Variants in ZNF462 observed in about 807,000 individuals in gnomAD.
ZNF462 encodes the protein zinc finger PBX1-interacting protein.
Under a neutral mutation model 201.9 loss-of-function variants are expected in ZNF462, and 10 were observed. The ratio of observed to expected loss-of-function variants is 0.05; its 90% CI spans 0.03 to 0.08. ZNF462 has a LOEUF of 0.08. Ranked by LOEUF, ZNF462 falls within the 10% of genes least tolerant of loss-of-function variation. ZNF462 has a pLI of 1.00. For missense variants in ZNF462, 2,523 were observed against 3,168.3 expected (o/e 0.80, Z 4.89); for synonymous variants, 1,227 against 1,193.3 (o/e 1.03, Z -0.58).
At chr9:106,946,283 C>T (rs962427134) in intron 7 of ZNF462, among the ~76,000 whole-genome samples, 3 of 152,154 alleles carry the variant, frequency 2.0e-5, no homozygotes, top group Non-Finnish European at 2.9e-5. Flanking sequence ...GAGAAGAAAT[C>T]TACTTTATTC....
At chr9:106,991,838 CTACACACACACACACACA>C (rs1828294119) in intron 10 of ZNF462, among the ~76,000 whole-genome samples, 1 of 128,138 alleles carries the variant, frequency 7.8e-6, no homozygotes, top group African/African-American at 3.0e-5. Flanking sequence ...ACAGCACTCT[CTACACACACACACACACA>C]CACACACACA....
At position 106,939,025 on chromosome 9, in the gene ZNF462, A is replaced by G. The variant is rs953651301; in HGVS notation, c.6345A>G (p.Pro2115=). ...VHGKALTLPR[P]RIVSLLSSHS... ...GAAAAGCCCTGACCCTCCCCAGGCC[A>G]CGGATCGTCAGTCTCCTCTCCTCAC... The change falls in exon 7 of 13, where the codon CCA becomes CCG. Residue 2115 remains proline (P), a synonymous_variant. Coordinates refer to ENST00000277225, the MANE Select transcript of ZNF462 (RefSeq NM_021224.6). The G allele has an allele frequency of 1.9e-6, 3 of 1,613,984 alleles. No homozygotes were observed. Among genetic ancestry groups the G allele is most frequent in the Admixed American group, 3.3e-5 (2 of 59,998 alleles).
intron 7 of ZNF462, among the ~76,000 whole-genome samples, chr9:106,953,707 TC>T (rs1455866049): frequency 6.6e-6 from 1 of 152,190 alleles, no homozygotes; most frequent in Non-Finnish European, 1.5e-5. Context: ...CACCAATACT[TC>T]CAGTGCTAAC....
At chr9:106,888,889 A>G (rs541180568) in intron 1 of ZNF462, among the ~76,000 whole-genome samples, 18 of 152,332 alleles carry the variant, frequency 1.2e-4, no homozygotes, top group Middle Eastern at 3.4e-3. Flanking sequence ...TGGAACCTCA[A>G]TCTAACCTTG....
chr9:106,906,266 C>A (rs1415267876), intron 1 of ZNF462, among the ~76,000 whole-genome samples: 2 of 152,220 alleles, frequency 1.3e-5, no homozygotes, highest in Non-Finnish European at 2.9e-5. Flanking sequence ...CCTGCAGGAG[C>A]AGTCTGCTCT....
chr9:106,897,218 A>G (rs1215026246), intron 1 of ZNF462, among the ~76,000 whole-genome samples: 1 of 152,178 alleles, frequency 6.6e-6, no homozygotes, highest in African/African-American at 2.4e-5. Context: ...TTCTATATTT[A>G]TATATTTGCA....
At chr9:106,863,808 G>T (rs910930314) in intron 1 of ZNF462, among the ~76,000 whole-genome samples, 1 of 151,294 alleles carries the variant, frequency 6.6e-6, no homozygotes, top group African/African-American at 2.4e-5. Context: ...GTGGGGACAG[G>T]AGTAGGGACA....
intron 7 of ZNF462, among the ~76,000 whole-genome samples, chr9:106,956,726 C>T (rs562637839): frequency 2.0e-5 from 3 of 152,158 alleles, no homozygotes; most frequent in Non-Finnish European, 2.9e-5. Flanking sequence ...GCAGCTTCTA[C>T]GTCAGCACTT....
chr9:106,972,552 A>G lies in ZNF462; in HGVS notation c.6695+280A>G, dbSNP rs1298120085. 6.6e-6 allele frequency among the ~76,000 whole-genome samples: 1 copy of G among 152,202 alleles called. No individual in the cohort carries two copies. The highest frequency in any genetic ancestry group is 2.4e-5 in the African/African-American group (1 of 41,452). On this transcript the variant is annotated intron_variant, in intron 8 of 12. Coordinates refer to ENST00000277225, the MANE Select transcript of ZNF462 (RefSeq NM_021224.6). The surrounding 1 kb of genome is among the most constrained non-coding windows in gnomAD (Gnocchi z 4.8). ...AGATTGAAGCAAATGATTTCCTCCC[A>G]TGCGTGGAGTGGTGTTTCCCTTCAG...
chr9:106,998,114 C>A (rs546213098), intron 10 of ZNF462, among the ~76,000 whole-genome samples: 1 of 152,126 alleles, frequency 6.6e-6, no homozygotes, highest in Non-Finnish European at 1.5e-5. Context: ...ATCTTCACAG[C>A]GCTGCACATT....
chr9:106,910,373 T>TG (rs201419680), intron 1 of ZNF462, among the ~76,000 whole-genome samples: 5 of 148,992 alleles, frequency 3.4e-5, no homozygotes, highest in African/African-American at 1.2e-4. Context: ...TTTTTTTTTT[T>TG]TTTTTTTTTT....
chr9:106,905,965 C>T lies in ZNF462; in HGVS notation c.-30-17389C>T, dbSNP rs1237390711. Among the ~76,000 whole-genome samples, 2 of 152,204 alleles carry T rather than the reference C, an allele frequency of 1.3e-5. No homozygotes were observed. The highest frequency in any genetic ancestry group is 2.1e-4 in the South Asian group (1 of 4,820). On this transcript the variant is annotated intron_variant, in intron 1 of 12. Transcript: ENST00000277225. The surrounding 1 kb of genome is among the most constrained non-coding windows in gnomAD (Gnocchi z 5.9). The stretch of plus-strand genomic sequence containing the variant: ...AGTTCAGCTACAGAGTTCCTTCTCC[C>T]TGTGGAGTTTTACCCCCTGCTCCTC...
At chr9:106,906,572 T>G (rs1829283958) in intron 1 of ZNF462, among the ~76,000 whole-genome samples, 1 of 152,198 alleles carries the variant, frequency 6.6e-6, no homozygotes, top group Non-Finnish European at 1.5e-5. Context: ...GTTATTGATT[T>G]AGAAGTAGTC....
Position 106,870,344 on chromosome 9 carries a change from C to T in ZNF462, c.-31+6989C>T, listed in dbSNP as rs553391054. On this transcript the variant is annotated intron_variant, in intron 1 of 12. Transcript: ENST00000277225. This position sits in a 1 kb window ranked among gnomAD's most constrained non-coding sequence, Gnocchi z 4.3. ...GTCATGGGTATTTTGGTATTGATTT[C>T]CTTGCTTTCATGTGTTTGCTTGTTC... Among the ~76,000 whole-genome samples, 1 of 152,112 alleles carries T rather than the reference C, an allele frequency of 6.6e-6. No individual in the cohort carries two copies. The highest frequency in any genetic ancestry group is 2.1e-4 in the South Asian group (1 of 4,808).
rs542702058 is a variant in ZNF462, at chr9:106,925,321, A to G, written c.1409A>G (p.Tyr470Cys). 11 of 1,614,210 alleles carry G rather than the reference A, an allele frequency of 6.8e-6. No individual in the cohort carries two copies. The highest frequency in any genetic ancestry group is 1.1e-5 in the South Asian group (1 of 91,080). ...NIHLSGKTAV[Y>C]KCDECPFTCK... The stretch of plus-strand genomic sequence containing the variant: ...CACTTATCTGGAAAGACAGCTGTCT[A>G]CAAATGTGACGAATGTCCGTTTACT... The change falls in exon 3 of 13, where the codon TAC (tyrosine) becomes TGC (cysteine). Residue 470 changes from tyrosine (Y) to cysteine (C), a missense_variant. By Grantham distance (194) the Tyr-to-Cys change is radical. Transcript: ENST00000277225. This position sits in a 1 kb window ranked among gnomAD's most constrained non-coding sequence, Gnocchi z 7.9.
intron 7 of ZNF462, among the ~76,000 whole-genome samples, chr9:106,951,852 T>G (rs77567499): frequency 4.7e-4 from 65 of 139,188 alleles, no homozygotes; most frequent in East Asian, 1.8e-3. Flanking sequence ...CAGTGTTGTG[T>G]TTTTTTTTTT....
intron 1 of ZNF462, among the ~76,000 whole-genome samples, chr9:106,906,361 C>T (rs572358127): frequency 2.0e-5 from 3 of 152,258 alleles, no homozygotes; most frequent in East Asian, 1.9e-4. Context: ...TGCAAGCCTC[C>T]GCATGCTGCT....
intron 7 of ZNF462, among the ~76,000 whole-genome samples, chr9:106,969,862 A>G (rs1205957151): frequency 6.6e-6 from 1 of 152,186 alleles, no homozygotes; most frequent in Non-Finnish European, 1.5e-5. Flanking sequence ...ACTAGGACCA[A>G]CATTACCAAG....
At position 106,928,736 on chromosome 9, in the gene ZNF462, T is replaced by C; in HGVS notation, c.4824T>C (p.Phe1608=). The C allele has an allele frequency of 6.2e-7, 1 of 1,614,104 alleles. No homozygotes were observed. The highest frequency in any genetic ancestry group is 8.5e-7 in the Non-Finnish European group (1 of 1,180,026). The part of the protein sequence containing the change: ...KYHNQPEFDV[F]SQSPPKLPVP... ...ACAATCAGCCTGAATTTGATGTCTTTTCCCAGTCGCCCCCGAAGCTGCCAG... is the reference window on the plus strand; with the variant it reads ...ACAATCAGCCTGAATTTGATGTCTTCTCCCAGTCGCCCCCGAAGCTGCCAG... The change falls in exon 3 of 13, where the codon TTT becomes TTC. Residue 1608 remains phenylalanine (F), a synonymous_variant. Coordinates refer to ENST00000277225, the MANE Select transcript of ZNF462 (RefSeq NM_021224.6). This position sits in a 1 kb window ranked among gnomAD's most constrained non-coding sequence, Gnocchi z 9.3.
Sources: allele counts gnomAD v4.1 joint callset (sites outside exome capture counted in the v4.1 genomes callset), GRCh38; gene constraint gnomAD v4.1.1; non-coding constraint Gnocchi (gnomAD v3.1); transcripts MANE v1.5; gene names NCBI Gene and HGNC (gene_info 2026-07-23, HGNC 2026-07-21).